Variants in WDFY4 observed in about 807,000 individuals in gnomAD.
WDFY4 encodes the protein WDFY family member 4, also known as WD repeat- and FYVE domain-containing protein 4.
WDFY4 carries 169 observed loss-of-function variants against 351.9 expected under a neutral mutation model. The observed-to-expected ratio is 0.48, with a 90% confidence interval of 0.42 to 0.55. The LOEUF (loss-of-function observed/expected upper bound fraction) is 0.55, where lower values mean the gene tolerates loss of function less well. Among genes scored for constraint, WDFY4 ranks in the 20% least tolerant of loss-of-function variants. WDFY4 has a pLI of 0.00. For synonymous variants in WDFY4, 1,622 were observed against 1,574.6 expected (o/e 1.03, Z -0.71); for missense variants, 3,803 against 3,935.6 (o/e 0.97, Z 0.90).
rs570694981 is a variant in WDFY4 at position 48,822,439 on chromosome 10, T to A, written c.5884T>A (p.Ser1962Thr). Residue 1962 changes from serine to threonine, a missense_variant, in exon 35 of 62, where the codon TCC (serine) becomes ACC (threonine). Ser to Thr is a moderately conservative substitution (Grantham distance 58). This residue lies in a region of WDFY4 where 3,054 missense variants were observed against 3,148.6 expected (regional missense o/e 0.97). Coordinates refer to ENST00000325239, the MANE Select transcript of WDFY4 (RefSeq NM_001394531.1). Reference protein sequence around the residue: ...AAAAPSLANISCFTQKLVEKL... With the variant: ...AAAAPSLANITCFTQKLVEKL... ...TGCTGCCCCTTCTCTTGCCAACATCTCCTGCTTCACCCAGAAGCTGGTGGA... is the reference window on the plus strand; with the variant it reads ...TGCTGCCCCTTCTCTTGCCAACATCACCTGCTTCACCCAGAAGCTGGTGGA... The A allele has an allele frequency of 6.4e-7, 1 of 1,551,476 alleles. No homozygotes were observed. The highest frequency in any genetic ancestry group is 1.4e-5 in the African/African-American group (1 of 73,148).
chr10:48,794,764 CACAA>C (rs779404914), intron 23 of WDFY4, among the ~76,000 whole-genome samples: 1 of 152,172 alleles, frequency 6.6e-6, no homozygotes, highest in Non-Finnish European at 1.5e-5. Flanking sequence ...TAAAGAATAG[CACAA>C]ACAAAGGATG....
chr10:48,957,112 G>A lies in WDFY4; in HGVS notation c.7978-17G>A, dbSNP rs1328965505. The stretch of plus-strand genomic sequence containing the variant: ...GCCAGTGAGAGCGGCTGGTCATGTT[G>A]GCTCCATTTCCCCCAGGGCGGAAGC... On this transcript the variant is annotated splice_polypyrimidine_tract_variant and intron_variant, in intron 51 of 61. Coordinates refer to ENST00000325239, the MANE Select transcript of WDFY4 (RefSeq NM_001394531.1). The A allele has an allele frequency of 1.3e-6, 2 of 1,544,982 alleles. No individual in the cohort carries two copies. Among genetic ancestry groups the A allele is most frequent in the South Asian group, 1.2e-5 (1 of 83,956 alleles).
At chr10:48,805,735 A>T (rs1589654805) in intron 26 of WDFY4, among the ~76,000 whole-genome samples, 1 of 151,898 alleles carries the variant, frequency 6.6e-6, no homozygotes, top group South Asian at 2.1e-4. Context: ...GCTCCTGCAG[A>T]CTCCTGAAGA....
At chr10:48,700,728 G>T (rs1372181459) in intron 1 of WDFY4, among the ~76,000 whole-genome samples, 2 of 152,250 alleles carry the variant, frequency 1.3e-5, no homozygotes, top group African/African-American at 4.8e-5. Flanking sequence ...GCTTTTGGGA[G>T]AATTAAATCA....
At chr10:48,794,158 G>T (rs1461797930) in intron 23 of WDFY4, among the ~76,000 whole-genome samples, 1 of 152,288 alleles carries the variant, frequency 6.6e-6, no homozygotes, top group East Asian at 1.9e-4. Flanking sequence ...GGCAATTGCA[G>T]GAAGGCCGGG....
intron 39 of WDFY4, among the ~76,000 whole-genome samples, chr10:48,851,042 C>G (rs1323353432): frequency 6.6e-6 from 1 of 152,168 alleles, no homozygotes; most frequent in Non-Finnish European, 1.5e-5. Flanking sequence ...ATAGCAAGAA[C>G]CTGGTGCCCA....
At chr10:48,895,144 G>A (rs1837011533) in intron 44 of WDFY4, among the ~76,000 whole-genome samples, 1 of 152,226 alleles carries the variant, frequency 6.6e-6, no homozygotes, top group Non-Finnish European at 1.5e-5. Context: ...CTCAGGCTGT[G>A]TCTCACTTGG....
chr10:48,758,606 C>A (rs887475216), intron 12 of WDFY4, among the ~76,000 whole-genome samples: 1 of 152,044 alleles, frequency 6.6e-6, no homozygotes, highest in African/African-American at 2.4e-5. Context: ...TTTTAGTAAT[C>A]TTTTTCCTTT....
intron 7 of WDFY4, among the ~76,000 whole-genome samples, chr10:48,728,601 T>G (rs1197706259): frequency 6.6e-6 from 1 of 152,244 alleles, no homozygotes; most frequent in Non-Finnish European, 1.5e-5. Context: ...GCCAAAGTCC[T>G]TTGGTCCACC....
At chr10:48,740,836 AG>A (rs1274817896) in intron 11 of WDFY4, among the ~76,000 whole-genome samples, 3 of 152,174 alleles carry the variant, frequency 2.0e-5, no homozygotes, top group Non-Finnish European at 2.9e-5. Flanking sequence ...AATTCCCTGC[AG>A]TGTCCCTCTG....
At chr10:48,880,911 G>C (rs1390891376) in intron 43 of WDFY4, among the ~76,000 whole-genome samples, 3 of 152,152 alleles carry the variant, frequency 2.0e-5, no homozygotes, top group Non-Finnish European at 4.4e-5. Flanking sequence ...TCCCTGGTGA[G>C]GGGAGGGTGG....
chr10:48,957,735 G>T (rs1255202314), intron 52 of WDFY4, among the ~76,000 whole-genome samples: 1 of 152,196 alleles, frequency 6.6e-6, no homozygotes, highest in Non-Finnish European at 1.5e-5. Flanking sequence ...CTGCTGGGTG[G>T]GATCCCAGGG....
At chr10:48,822,153 T>G (rs1437420282) in intron 34 of WDFY4, among the ~76,000 whole-genome samples, 3 of 152,244 alleles carry the variant, frequency 2.0e-5, no homozygotes, top group African/African-American at 7.2e-5. Flanking sequence ...TCACCTTGCT[T>G]GCTTTCTCAC....
intron 57 of WDFY4, among the ~76,000 whole-genome samples, chr10:48,974,163 C>T (rs1359208230): frequency 6.6e-6 from 1 of 152,120 alleles, no homozygotes; most frequent in Non-Finnish European, 1.5e-5. Flanking sequence ...ACTGAGCCTG[C>T]TGGTGTGGGC....
intron 35 of WDFY4, among the ~76,000 whole-genome samples, chr10:48,824,655 GA>G (rs1330451928): frequency 6.6e-6 from 1 of 151,656 alleles, no homozygotes; most frequent in Admixed American, 6.6e-5. Context: ...TTTTTTAAAA[GA>G]CAAAGTTCCT....
intron 1 of WDFY4, among the ~76,000 whole-genome samples, chr10:48,702,394 T>C (rs2063503801): frequency 6.6e-6 from 1 of 152,168 alleles, no homozygotes; most frequent in Non-Finnish European, 1.5e-5. Context: ...GTCATCCCCT[T>C]ATCCCCCGTC....
At chr10:48,771,793 A>T (rs1455886038) in intron 13 of WDFY4, among the ~76,000 whole-genome samples, 1 of 152,178 alleles carries the variant, frequency 6.6e-6, no homozygotes, top group Non-Finnish European at 1.5e-5. Flanking sequence ...TTAAACGCCT[A>T]GAGCTTTACC....
intron 47 of WDFY4, among the ~76,000 whole-genome samples, chr10:48,935,987 G>A (rs1437169091): frequency 6.6e-6 from 1 of 150,984 alleles, no homozygotes; most frequent in Non-Finnish European, 1.5e-5. Flanking sequence ...AAATTATTAT[G>A]CAGATGATAA....
At chr10:48,740,251 C>T (rs927654154) in intron 11 of WDFY4, among the ~76,000 whole-genome samples, 2 of 152,168 alleles carry the variant, frequency 1.3e-5, no homozygotes, top group Non-Finnish European at 2.9e-5. Flanking sequence ...GGTTCAGACG[C>T]GTGCCGTACC....
Sources: gnomAD v4.1 joint callset for allele counts (sites outside exome capture counted in the v4.1 genomes callset) on GRCh38, gnomAD v4.1.1 for gene constraint, gnomAD v4.1.1 regional missense constraint, MANE v1.5 for transcripts, NCBI Gene and HGNC (gene_info 2026-07-23, HGNC 2026-07-21) for gene names.